Variants in SPC24 observed in about 807,000 individuals in gnomAD.
SPC24 encodes SPC24 component of NDC80 kinetochore complex.
Under a neutral mutation model 27.6 loss-of-function variants are expected in SPC24, and 31 were observed. The observed-to-expected ratio is 1.12, with a 90% confidence interval of 0.84 to 1.52. The LOEUF (loss-of-function observed/expected upper bound fraction) is 1.52. Among genes scored for constraint, SPC24 ranks in the 40% most tolerant of loss-of-function variants. The pLI, the probability that SPC24 is intolerant of heterozygous loss-of-function variation, is 0.00. For missense variants in SPC24, 284 were observed against 252.5 expected, an observed-to-expected ratio of 1.12 and a Z score of -0.84; for synonymous variants, 105 against 105.8, an observed-to-expected ratio of 0.99 and a Z score of 0.05.
Position 11,149,174 on chromosome 19 carries a change from C to A in SPC24, c.225G>T (p.Gln75His), listed in dbSNP as rs1489381079. The A allele has an allele frequency of 6.5e-6, 10 of 1,550,302 alleles. No homozygotes were observed. The South Asian group carries it at 1.1e-4, about 17-fold the overall frequency. The change falls in exon 2 of 5, where the codon CAG (glutamine) becomes CAT (histidine). Residue 75 changes from glutamine (Q) to histidine (H), a missense_variant. By Grantham distance (24) the Gln-to-His change is conservative. Transcript: ENST00000592540. ...CCAGCTGCTGCAGCTCCACGCCTCC[C>A]TGGTGCACCTGCTCCTTCGCATTGA... ...SLLNAKEQVH[Q>H]GGVELQQLEA...
At position 11,146,103 on chromosome 19, in the gene SPC24, AG is replaced by A. The variant is rs2077821179; in HGVS notation, c.*1079del. The A allele has an allele frequency of 6.6e-6, 1 of 151,982 alleles. No individual in the cohort carries two copies. Among genetic ancestry groups the A allele is most frequent in the African/African-American group, 2.4e-5 (1 of 41,356 alleles). The allele number at this position is 151,982 out of a possible 1,614,324, so 9.4% of individuals were successfully genotyped here. A position where few individuals can be genotyped will look rare whatever the true frequency, so the allele number is the denominator to read the frequency against. On this transcript the variant is annotated 3_prime_UTR_variant, in exon 5 of 5. Coordinates refer to ENST00000592540, the MANE Select transcript of SPC24 (RefSeq NM_182513.4). ...CAAAAGTCGCTTCTGTCCTCCATGA[AG>A]CCTGCACACTCTGGTGTGGCTCCTG... is the stretch of plus-strand genomic sequence containing the variant.
intron 1 of SPC24, among the ~76,000 whole-genome samples, chr19:11,153,308 C>T (rs1273671527): frequency 6.6e-6 from 1 of 150,884 alleles, no homozygotes; most frequent in Non-Finnish European, 1.5e-5. Flanking sequence ...AAAAATTAGC[C>T]GGGCGTGGTG....
In SPC24 at chr19:11,148,047, C is replaced by G. The variant is rs753814692; in HGVS notation, c.376G>C (p.Asp126His). 6.2e-7 allele frequency: 1 copy of G among 1,613,810 alleles called. No homozygotes were observed. Among genetic ancestry groups the G allele is most frequent in the Non-Finnish European group, 8.5e-7 (1 of 1,179,866 alleles). Residue 126 changes from aspartate (D) to histidine (H), a missense_variant, in exon 3 of 5, where the codon GAC (aspartate) becomes CAC (histidine). Physicochemically the swap from Asp to His is moderately conservative, Grantham distance 81. Coordinates refer to ENST00000592540, the MANE Select transcript of SPC24 (RefSeq NM_182513.4). ...GGGATTGTGACTGTCGTGTCCTCGT[C>G]GACCTCCTTCTCCTGTCGCTCCAGA... ...ADLERQEKEVDEDTTVTIPSA... is the reference protein window; with the variant it reads ...ADLERQEKEVHEDTTVTIPSA...
chr19:11,149,051 G>C, intron 2 of SPC24, 43 bp downstream of exon 2: 1 of 1,444,126 alleles, frequency 6.9e-7, no homozygotes, highest in Non-Finnish European at 9.1e-7. Context: ...CTGGCCCTAT[G>C]CGTGTTTTCT....
intron 1 of SPC24, among the ~76,000 whole-genome samples, chr19:11,151,621 G>T (rs117523171): frequency 0.73 from 109,479 of 149,592 alleles, 40,269 homozygotes; most frequent in Non-Finnish European, 0.8. Context: ...TTTTTTTTTG[G>T]GGGGGGGGGA....
chr19:11,148,179 C>T lies in SPC24; in HGVS notation c.306-62G>A, dbSNP rs866937963. On this transcript the variant is annotated intron_variant, in intron 2 of 4. Transcript: ENST00000592540. ...AGGGCTGCCCCTGCGCTAACTGCAG[C>T]TGGGAGGCCCAGGGTCTTGGCTCTA... The T allele has an allele frequency of 3.4e-5, 38 of 1,128,736 alleles. No homozygotes were observed. The African/African-American group carries it at 5.6e-4, about 16-fold the overall frequency. 69.9% of individuals were successfully genotyped at this position (1,128,736 alleles called of 1,614,324 possible). A position where few individuals can be genotyped will look rare whatever the true frequency, so the allele number is the denominator to read the frequency against.
rs778378194 is a variant in SPC24, at chr19:11,147,260, T to C, written c.517A>G (p.Ile173Val). ...GAGAGCTGGGTGCTGTCCAGGTGGA[T>C]GGGCTGGGCCACACTGGGGCCATGA... ...IHHGPSVAQP[I>V]HLDSTQLSRK... Residue 173 changes from isoleucine to valine, a missense_variant, in exon 5 of 5, where the codon ATC becomes GTC. Physicochemically the swap from Ile to Val is conservative, Grantham distance 29. Coordinates refer to ENST00000592540, the MANE Select transcript of SPC24 (RefSeq NM_182513.4). The C allele has an allele frequency of 6.4e-7, 1 of 1,567,686 alleles. No individual in the cohort carries two copies. The highest frequency in any genetic ancestry group is 8.7e-7 in the Non-Finnish European group (1 of 1,155,562).
At chr19:11,149,017 G>T in intron 2 of SPC24, 77 bp downstream of exon 2, 3 of 1,363,438 alleles carry the variant, frequency 2.2e-6, no homozygotes, top group Non-Finnish European at 2.9e-6. Flanking sequence ...AAAGTGCTGG[G>T]ATTACAGGCT....
intron 1 of SPC24, among the ~76,000 whole-genome samples, chr19:11,149,712 C>T (rs937213251): frequency 9.2e-5 from 13 of 140,588 alleles, no homozygotes; most frequent in Non-Finnish European, 1.7e-4. Context: ...AAAACCCTGT[C>T]TTTTTTTTTT....
In SPC24 at chr19:11,147,219, G is replaced by T; in HGVS notation, c.558C>A (p.Ser186Arg). 1 of 1,558,936 alleles carries T rather than the reference G, an allele frequency of 6.4e-7. No individual in the cohort carries two copies. Among genetic ancestry groups the T allele is most frequent in the Non-Finnish European group, 8.7e-7 (1 of 1,150,884 alleles). Residue 186 changes from serine (S) to arginine (R), a missense_variant, in exon 5 of 5, where the codon AGC becomes AGA. Physicochemically the swap from Ser to Arg is moderately radical, Grantham distance 110. Coordinates refer to ENST00000592540, the MANE Select transcript of SPC24 (RefSeq NM_182513.4). ...DSTQLSRKFI[S>R]DYLWSLVDTE... ...TGTCCACCAGACTCCAGAGGTAGTC[G>T]CTGATGAATTTCCTGGAGAGCTGGG...
At chr19:11,152,681 C>A (rs1034949011) in intron 1 of SPC24, among the ~76,000 whole-genome samples, 1 of 152,030 alleles carries the variant, frequency 6.6e-6, no homozygotes, top group Non-Finnish European at 1.5e-5. Flanking sequence ...TTTTCTTGGC[C>A]CCAGATTCAT....
At chr19:11,147,488 G>C in intron 4 of SPC24, 199 bp from the exon 5 acceptor site, 2 of 577,026 alleles carry the variant, frequency 3.5e-6, no homozygotes, top group Non-Finnish European at 6.2e-6. Flanking sequence ...AGCCTCCTGA[G>C]TAGCTGGGAC....
chr19:11,146,152 G>C lies in SPC24; in HGVS notation c.*1031C>G, dbSNP rs184666925. On this transcript the variant is annotated 3_prime_UTR_variant, in exon 5 of 5. Coordinates refer to ENST00000592540, the MANE Select transcript of SPC24 (RefSeq NM_182513.4). ...CTGTCGCAATCTGGACCTCTCTCCA[G>C]TTCTAGAGTGTTGTCTGCTTTTGTG... 9 of 152,222 alleles carry C rather than the reference G, an allele frequency of 5.9e-5. No individual in the cohort carries two copies. Among genetic ancestry groups the C allele is most frequent in the African/African-American group, 2.2e-4 (9 of 41,534 alleles). The allele number at this position is 152,222 out of a possible 1,614,324, so 9.4% of individuals were successfully genotyped here.
Position 11,149,110 on chromosome 19 carries a change from G to T in SPC24, c.289C>A (p.Leu97Met). 1 of 1,542,376 alleles carries T rather than the reference G, an allele frequency of 6.5e-7. No homozygotes were observed. Among genetic ancestry groups the T allele is most frequent in the African/African-American group, 1.4e-5 (1 of 72,608 alleles). Residue 97 changes from leucine to methionine, a missense_variant, in exon 2 of 5, where the codon CTG becomes ATG. Coordinates refer to ENST00000592540, the MANE Select transcript of SPC24 (RefSeq NM_182513.4). Reference protein sequence around the residue: ...LQEAGEEDTRLKASLLQLTRE... With the variant: ...LQEAGEEDTRMKASLLQLTRE... Reference sequence around the variant, plus strand: ...AAAGGATATAGGAGGCTGGCCTTCAGACGGGTGTCCTCCTCCCCAGCCTCC... The same window carrying T: ...AAAGGATATAGGAGGCTGGCCTTCATACGGGTGTCCTCCTCCCCAGCCTCC...
At position 11,154,081 on chromosome 19, in the gene SPC24, A is replaced by T. The variant is rs868472634; in HGVS notation, c.160+1536T>A. On this transcript the variant is annotated intron_variant, in intron 1 of 4. Transcript: ENST00000592540. Reference sequence around the variant, plus strand: ...AGAGCAAGACTCCGTCTCAAGGAAAAAAAAAATACAGTCTTGAAGAGATAT... The same window carrying T: ...AGAGCAAGACTCCGTCTCAAGGAAATAAAAAATACAGTCTTGAAGAGATAT... Among the ~76,000 whole-genome samples the T allele has an allele frequency of 2.6e-5, 4 of 152,160 alleles. No individual in the cohort carries two copies. In the South Asian group the frequency reaches 6.2e-4, roughly 24 times the overall value.
chr19:11,148,646 T>TTGATTG (rs1555812517), intron 2 of SPC24, among the ~76,000 whole-genome samples: 1 of 151,396 alleles, frequency 6.6e-6, no homozygotes, highest in Non-Finnish European at 1.5e-5. Context: ...ATGCCCAGCT[T>TTGATTG]ATTGATTGAT....
At chr19:11,153,760 GAA>G (rs59338135) in intron 1 of SPC24, among the ~76,000 whole-genome samples, 2 of 132,134 alleles carry the variant, frequency 1.5e-5, no homozygotes. Flanking sequence ...ACTGTCCTGG[GAA>G]AAAAAAAAAA....
chr19:11,149,304 G>A (rs2077852804), intron 1 of SPC24, 66 bp from the exon 2 acceptor site: 1 of 1,374,838 alleles, frequency 7.3e-7, no homozygotes, highest in Non-Finnish European at 9.5e-7. Context: ...GAGAGAAGGT[G>A]GTTCCACTTG....
At chr19:11,154,201 C>A (rs73504646) in intron 1 of SPC24, among the ~76,000 whole-genome samples, 9,996 of 152,188 alleles carry the variant, frequency 0.066, 350 homozygotes, top group Non-Finnish European at 0.07. Context: ...AAACACAATG[C>A]GGTCCATCCT....
Sources: allele counts gnomAD v4.1 joint callset (sites outside exome capture counted in the v4.1 genomes callset), GRCh38; gene constraint gnomAD v4.1.1; transcripts MANE v1.5; gene names NCBI Gene and HGNC (gene_info 2026-07-23, HGNC 2026-07-21).